The following SSX2IP variants were observed in gnomAD, a reference collection of about 807,000 sequenced individuals.
The protein encoded by SSX2IP is afadin- and alpha-actinin-binding protein.
Under a neutral mutation model 84.9 loss-of-function variants are expected in SSX2IP, and 55 were observed. That is an observed-to-expected ratio of 0.65 (90% CI 0.52 to 0.81). SSX2IP has a LOEUF of 0.81. SSX2IP is among the 30% of genes least tolerant of loss of function. The pLI, the probability that SSX2IP is intolerant of heterozygous loss-of-function variation, is 0.00. For missense variants in SSX2IP, 664 were observed against 705.2 expected, an observed-to-expected ratio of 0.94 and a Z score of 0.66; for synonymous variants, 239 against 234.7, an observed-to-expected ratio of 1.02 and a Z score of -0.17.
chr1:84,647,317 A>G lies in SSX2IP; in HGVS notation c.*116T>C. On this transcript the variant is annotated 3_prime_UTR_variant, in exon 14 of 14. Transcript: ENST00000342203. ...TGGGGGAAGACAGGGAAGTCCAAAC[A>G]AACAACTCAGACCATCTTAAGTTAT... 1 of 902,436 alleles carries G rather than the reference A, an allele frequency of 1.1e-6. No individual in the cohort carries two copies. The highest frequency in any genetic ancestry group is 1.6e-6 in the Non-Finnish European group (1 of 624,708). 55.9% of individuals were successfully genotyped at this position (902,436 alleles called of 1,614,324 possible). A position where few individuals can be genotyped will look rare whatever the true frequency, so the allele number is the denominator to read the frequency against.
Position 84,666,179 on chromosome 1 carries a change from T to C in SSX2IP, c.480A>G (p.Arg160=), listed in dbSNP as rs112687613. ...REMIGLQERD[R]QLQCKNRNLH... is the part of the protein sequence containing the mutation. ...AATTCCTGTTCTTACATTGTAACTG[T>C]CTGTCTCTTTCCTGAAGCCCAATCA... Residue 160 remains arginine (R), a synonymous_variant, in exon 5 of 14, where the codon AGA becomes AGG. Coordinates refer to ENST00000342203, the MANE Select transcript of SSX2IP (RefSeq NM_001166293.2). 5 of 1,613,040 alleles carry C rather than the reference T, an allele frequency of 3.1e-6. No individual in the cohort carries two copies. Among genetic ancestry groups the C allele is most frequent in the Non-Finnish European group, 4.2e-6 (5 of 1,179,406 alleles).
intron 1 of SSX2IP, among the ~76,000 whole-genome samples, chr1:84,672,564 C>A (rs1557511848): frequency 6.6e-6 from 1 of 152,132 alleles, no homozygotes; most frequent in South Asian, 2.1e-4. Context: ...TCAAGTTGTA[C>A]ACTTAAGATC....
chr1:84,680,475 TTAAA>T (rs1285010083), intron 1 of SSX2IP: 1 of 152,072 alleles, frequency 6.6e-6, no homozygotes, highest in African/African-American at 2.4e-5. Flanking sequence ...AATAATTTTA[TTAAA>T]TAAACTTATG....
intron 1 of SSX2IP, among the ~76,000 whole-genome samples, chr1:84,685,616 A>T (rs1012049379): frequency 2.6e-5 from 4 of 152,256 alleles, no homozygotes; most frequent in African/African-American, 9.6e-5. Flanking sequence ...ACCTGGAAAG[A>T]CTAAAAACTA....
chr1:84,677,771 G>T (rs1654575859), intron 1 of SSX2IP, among the ~76,000 whole-genome samples: 1 of 152,154 alleles, frequency 6.6e-6, no homozygotes, highest in African/African-American at 2.4e-5. Context: ...TCTGAGGTCA[G>T]CAGGATCTGA....
At position 84,662,389 on chromosome 1, in the gene SSX2IP, T is replaced by C; in HGVS notation, c.750-14A>G. On this transcript the variant is annotated splice_polypyrimidine_tract_variant and intron_variant, in intron 7 of 13. Transcript: ENST00000342203. Reference sequence around the variant, plus strand: ...TCATCTTCATTCCTGAGAAAGAAACTGTCAGTATGAAAATGCAGGATAGAA... The same window carrying C: ...TCATCTTCATTCCTGAGAAAGAAACCGTCAGTATGAAAATGCAGGATAGAA... 2 of 1,606,926 alleles carry C rather than the reference T, an allele frequency of 1.2e-6. No individual in the cohort carries two copies. The highest frequency in any genetic ancestry group is 1.7e-6 in the Non-Finnish European group (2 of 1,177,106).
chr1:84,662,827 G>T (rs991490523), intron 6 of SSX2IP, among the ~76,000 whole-genome samples: 1 of 152,118 alleles, frequency 6.6e-6, no homozygotes, highest in Non-Finnish European at 1.5e-5. Context: ...ACAGTAGAGT[G>T]AACACAGTAT....
chr1:84,646,811 A>G lies in SSX2IP; in HGVS notation c.*622T>C, dbSNP rs975902537. On this transcript the variant is annotated 3_prime_UTR_variant, in exon 14 of 14. Coordinates refer to ENST00000342203, the MANE Select transcript of SSX2IP (RefSeq NM_001166293.2). ...TAAAGAGAATTCTTAAATGTAATGC[A>G]TCAATGGTCCTAATACATCTGTAAA... 3.3e-5 allele frequency: 5 copies of G among 152,600 alleles called. No individual in the cohort carries two copies. Among genetic ancestry groups the G allele is most frequent in the African/African-American group, 1.2e-4 (5 of 41,466 alleles). 9.5% of individuals were successfully genotyped at this position (152,600 alleles called of 1,614,324 possible). A position where few individuals can be genotyped will look rare whatever the true frequency, so the allele number is the denominator to read the frequency against.
intron 6 of SSX2IP, among the ~76,000 whole-genome samples, chr1:84,663,836 C>T (rs1458754872): frequency 1.3e-5 from 2 of 152,112 alleles, no homozygotes; most frequent in Non-Finnish European, 2.9e-5. Flanking sequence ...TTTCGTGTTT[C>T]TTTGCTTTTT....
chr1:84,661,513 T>C (rs779077089), intron 8 of SSX2IP, among the ~76,000 whole-genome samples: 30 of 152,192 alleles, frequency 2.0e-4, no homozygotes, highest in Non-Finnish European at 4.1e-4. Context: ...GTTCTGCACA[T>C]TGTACCACCT....
intron 1 of SSX2IP, among the ~76,000 whole-genome samples, chr1:84,679,006 C>T (rs546848128): frequency 6.6e-6 from 1 of 152,294 alleles, no homozygotes; most frequent in South Asian, 2.1e-4. Flanking sequence ...ACAAATAGAG[C>T]TAACTGAAGT....
intron 8 of SSX2IP, 45 bp from the exon 9 acceptor site, chr1:84,658,513 T>C: frequency 1.3e-6 from 2 of 1,563,132 alleles, no homozygotes; most frequent in Non-Finnish European, 8.7e-7. Flanking sequence ...TACCTTACAA[T>C]GGCTTTAGAT....
chr1:84,674,764 C>T (rs895763571), intron 1 of SSX2IP, among the ~76,000 whole-genome samples: 28 of 152,088 alleles, frequency 1.8e-4, no homozygotes, highest in African/African-American at 6.0e-4. Context: ...TTTTGAAGTC[C>T]TATGAAACAA....
intron 4 of SSX2IP, among the ~76,000 whole-genome samples, chr1:84,667,583 T>C (rs1285854324): frequency 6.6e-6 from 1 of 152,100 alleles, no homozygotes; most frequent in African/African-American, 2.4e-5. Flanking sequence ...AACTCCTCAG[T>C]GCTTCCCTGT....
intron 9 of SSX2IP, 101 bp downstream of exon 9, chr1:84,658,217 T>C (rs1651411127): frequency 7.8e-7 from 1 of 1,277,920 alleles, no homozygotes; most frequent in Admixed American, 2.1e-5. Flanking sequence ...TGAAGTATAG[T>C]ACTTTAGCTC....
intron 6 of SSX2IP, among the ~76,000 whole-genome samples, chr1:84,664,184 T>C (rs761946723): frequency 2.0e-5 from 3 of 152,162 alleles, no homozygotes; most frequent in Non-Finnish European, 4.4e-5. Flanking sequence ...ATGGATTAAT[T>C]CTACACTGGT....
intron 4 of SSX2IP, among the ~76,000 whole-genome samples, chr1:84,669,171 C>CT (rs34460162): frequency 9.3e-5 from 14 of 150,222 alleles, no homozygotes; most frequent in African/African-American, 3.4e-4. Context: ...AAAATACTTC[C>CT]TTTTTTTTTT....
chr1:84,686,718 G>C (rs898437800), intron 1 of SSX2IP, among the ~76,000 whole-genome samples: 4 of 152,184 alleles, frequency 2.6e-5, no homozygotes, highest in African/African-American at 7.2e-5. Flanking sequence ...CTTCAGGAAA[G>C]CCAAGGGAGA....
At chr1:84,663,113 C>CATT (rs1294343685) in intron 6 of SSX2IP, among the ~76,000 whole-genome samples, 1 of 152,134 alleles carries the variant, frequency 6.6e-6, no homozygotes, top group Non-Finnish European at 1.5e-5. Context: ...GTCCTGTTAA[C>CATT]ATTAACATCA....
Sources: gnomAD v4.1 joint callset for allele counts (sites outside exome capture counted in the v4.1 genomes callset) on GRCh38, gnomAD v4.1.1 for gene constraint, MANE v1.5 for transcripts, NCBI Gene and HGNC (gene_info 2026-07-23, HGNC 2026-07-21) for gene names.